SPAG9: variants seen among roughly 807,000 people sequenced by gnomAD.
SPAG9 encodes sperm associated antigen 9, also known as C-Jun-amino-terminal kinase-interacting protein 4.
Under a neutral mutation model 166.5 loss-of-function variants are expected in SPAG9, and 35 were observed. The ratio of observed to expected loss-of-function variants is 0.21; its 90% CI spans 0.16 to 0.28. The LOEUF (loss-of-function observed/expected upper bound fraction) is 0.28. Among genes scored for constraint, SPAG9 ranks in the 10% least tolerant of loss-of-function variants. The pLI, the probability that SPAG9 is intolerant of heterozygous loss-of-function variation, is 1.00. For synonymous variants in SPAG9, 534 were observed against 565.5 expected, an observed-to-expected ratio of 0.94 and a Z score of 0.79; for missense variants, 1,235 against 1,603.3, an observed-to-expected ratio of 0.77 and a Z score of 3.92.
At chr17:51,018,667 C>G (rs1203106490) in intron 8 of SPAG9, among the ~76,000 whole-genome samples, 2 of 152,068 alleles carry the variant, frequency 1.3e-5, no homozygotes, top group Admixed American at 1.3e-4. Context: ...GGGCCCTGGA[C>G]CCAAGTTAGT....
intron 29 of SPAG9, among the ~76,000 whole-genome samples, chr17:50,967,498 A>G (rs1205062917): frequency 6.6e-6 from 1 of 152,220 alleles, no homozygotes; most frequent in African/African-American, 2.4e-5. Context: ...TAGAGAGAGG[A>G]GAACACTCAG....
chr17:51,080,997 C>T (rs889338246), intron 1 of SPAG9, among the ~76,000 whole-genome samples: 2 of 149,442 alleles, frequency 1.3e-5, no homozygotes, highest in Non-Finnish European at 3.0e-5. Flanking sequence ...TGGTCAGTTA[C>T]TCAGGACCAA....
At chr17:51,119,874 C>A (rs1403672689) in intron 1 of SPAG9, among the ~76,000 whole-genome samples, 1 of 152,084 alleles carries the variant, frequency 6.6e-6, no homozygotes, top group African/African-American at 2.4e-5. Context: ...AGAAACTGAC[C>A]GAAAGAGGGA....
At chr17:51,023,094 A>G (rs907100172) in intron 6 of SPAG9, among the ~76,000 whole-genome samples, 1 of 149,052 alleles carries the variant, frequency 6.7e-6, no homozygotes, top group African/African-American at 2.4e-5. Flanking sequence ...AACAGTATCT[A>G]CTTCTTAAGA....
At chr17:50,968,748 T>C (rs918759595) in intron 29 of SPAG9, among the ~76,000 whole-genome samples, 4 of 151,838 alleles carry the variant, frequency 2.6e-5, no homozygotes, top group Admixed American at 2.0e-4. Context: ...AGAAAAATTA[T>C]AGCAAATAAA....
At chr17:51,070,740 A>T (rs542676736) in intron 2 of SPAG9, among the ~76,000 whole-genome samples, 5 of 152,318 alleles carry the variant, frequency 3.3e-5, no homozygotes, top group Non-Finnish European at 7.4e-5. Flanking sequence ...GTAAGGTTCA[A>T]ACTAGTTGTT....
intron 1 of SPAG9, among the ~76,000 whole-genome samples, chr17:51,115,843 GAAAAGAAAAGAAAAGA>G (rs1050536828): frequency 2.0e-5 from 3 of 147,040 alleles, no homozygotes; most frequent in Non-Finnish European, 3.1e-5. Flanking sequence ...AAAAAGAAAA[GAAAAGAAAAGAAAAGA>G]AAAAGAAAAG....
At chr17:50,995,575 A>T (rs778715818) in intron 16 of SPAG9, 42 bp from the exon 17 acceptor site, 3 of 1,203,542 alleles carry the variant, frequency 2.5e-6, no homozygotes, top group East Asian at 2.3e-5. Flanking sequence ...CACATTAGTA[A>T]GCCTCATCAA....
chr17:51,113,928 G>C (rs1437104284), intron 1 of SPAG9, among the ~76,000 whole-genome samples: 4 of 152,176 alleles, frequency 2.6e-5, no homozygotes, highest in Non-Finnish European at 5.9e-5. Flanking sequence ...CCAGGAGGCA[G>C]AGGTTGCAGT....
At chr17:51,047,962 T>C (rs1864191153) in intron 3 of SPAG9, among the ~76,000 whole-genome samples, 1 of 152,142 alleles carries the variant, frequency 6.6e-6, no homozygotes, top group African/African-American at 2.4e-5. Context: ...TAAAGATCAC[T>C]TTCAATTTAA....
intron 4 of SPAG9, 68 bp from the exon 5 acceptor site, chr17:51,041,719 G>C: frequency 1.4e-6 from 2 of 1,464,430 alleles, no homozygotes; most frequent in Non-Finnish European, 1.9e-6. Flanking sequence ...ATGACTATAA[G>C]TAATAAGCCT....
intron 6 of SPAG9, among the ~76,000 whole-genome samples, chr17:51,021,610 GAATT>G (rs1297472386): frequency 1.3e-5 from 2 of 151,858 alleles, no homozygotes; most frequent in Admixed American, 1.3e-4. Flanking sequence ...GAAAATAAAA[GAATT>G]ATTAGCAATA....
At chr17:51,110,605 C>A (rs2049080727) in intron 1 of SPAG9, among the ~76,000 whole-genome samples, 1 of 152,124 alleles carries the variant, frequency 6.6e-6, no homozygotes, top group African/African-American at 2.4e-5. Flanking sequence ...GGAAGGATGG[C>A]TTGAGCCCAA....
intron 1 of SPAG9, among the ~76,000 whole-genome samples, chr17:51,115,930 T>A (rs368795624): frequency 7.9e-5 from 12 of 152,328 alleles, no homozygotes; most frequent in African/African-American, 2.9e-4. Flanking sequence ...TGATGCTAAA[T>A]GAGCTCTCAC....
intron 2 of SPAG9, among the ~76,000 whole-genome samples, chr17:51,077,364 C>T (rs956255717): frequency 5.9e-5 from 9 of 151,962 alleles, no homozygotes; most frequent in East Asian, 1.9e-4. Context: ...TCAGGTGATT[C>T]GCCCGCCTCG....
At chr17:50,972,170 A>C (rs1973873076) in intron 28 of SPAG9, among the ~76,000 whole-genome samples, 1 of 152,220 alleles carries the variant, frequency 6.6e-6, no homozygotes, top group Admixed American at 6.5e-5. Context: ...GTGGAATTAC[A>C]GGTGTGAGCC....
chr17:50,978,381 G>A (rs1974343563), intron 26 of SPAG9, among the ~76,000 whole-genome samples: 1 of 152,116 alleles, frequency 6.6e-6, no homozygotes, highest in Non-Finnish European at 1.5e-5. Flanking sequence ...GTTTTCTGAG[G>A]GCAGTAACTC....
chr17:51,053,853 AAGTAT>A (rs1221915269), intron 3 of SPAG9, among the ~76,000 whole-genome samples: 1,132 of 56,078 alleles, frequency 0.02, 40 homozygotes, highest in Admixed American at 0.03. Flanking sequence ...AAAAAAAAAA[AAGTAT>A]ATATATATAT....
At chr17:51,046,947 T>G in intron 4 of SPAG9, 1 of 1,439,712 alleles carries the variant, frequency 6.9e-7, no homozygotes, top group Non-Finnish European at 9.2e-7. Flanking sequence ...CTTAGCTCAT[T>G]GGCTACAATG....
Sources: allele counts gnomAD v4.1 joint callset (sites outside exome capture counted in the v4.1 genomes callset), GRCh38; gene constraint gnomAD v4.1.1; transcripts MANE v1.5; gene names NCBI Gene and HGNC (gene_info 2026-07-23, HGNC 2026-07-21).